The following CDH13 variants were observed in gnomAD, a reference collection of about 807,000 sequenced individuals.
CDH13 encodes cadherin 13, also known as cadherin-13.
In CDH13, 24 loss-of-function variants were observed where a neutral mutation model predicts 63.8. The ratio of observed to expected loss-of-function variants is 0.38; its 90% CI spans 0.27 to 0.53. The LOEUF is 0.53. Among genes scored for constraint, CDH13 ranks in the 20% least tolerant of loss-of-function variants. The pLI, the probability that CDH13 is intolerant of heterozygous loss-of-function variation, is 0.85. For synonymous variants in CDH13, 503 were observed against 355.3 expected (o/e 1.42, Z -4.67); for missense variants, 1,049 against 903.1 (o/e 1.16, Z -2.07).
At chr16:83,098,743 T>C (rs1358771333) in intron 3 of CDH13, among the ~76,000 whole-genome samples, 1 of 152,246 alleles carries the variant, frequency 6.6e-6, no homozygotes, top group Non-Finnish European at 1.5e-5. Flanking sequence ...CTTTTTCCTC[T>C]GTGTGCCATG....
chr16:83,539,265 A>G (rs1432961731), intron 7 of CDH13, among the ~76,000 whole-genome samples: 4 of 152,070 alleles, frequency 2.6e-5, no homozygotes, highest in Non-Finnish European at 4.4e-5. Flanking sequence ...GGAACATGCA[A>G]CCTAGATCCC....
chr16:83,442,244 A>C (rs755112121), intron 6 of CDH13, among the ~76,000 whole-genome samples: 1 of 152,194 alleles, frequency 6.6e-6, no homozygotes, highest in Non-Finnish European at 1.5e-5. Context: ...GTAAAATGAG[A>C]CAAGAAGGTA....
chr16:83,626,826 C>T (rs1910348101), intron 8 of CDH13, among the ~76,000 whole-genome samples: 1 of 152,124 alleles, frequency 6.6e-6, no homozygotes, highest in African/African-American at 2.4e-5. Flanking sequence ...ACACAGACTC[C>T]CTGTACCCGC....
chr16:82,657,667 A>G (rs1464860507), intron 1 of CDH13, among the ~76,000 whole-genome samples: 1 of 152,182 alleles, frequency 6.6e-6, no homozygotes, highest in Non-Finnish European at 1.5e-5. Context: ...TTTATATGTA[A>G]ATATTCCAAT....
At chr16:83,243,267 G>C (rs1229852357) in intron 5 of CDH13, among the ~76,000 whole-genome samples, 1 of 152,178 alleles carries the variant, frequency 6.6e-6, no homozygotes, top group African/African-American at 2.4e-5. Flanking sequence ...TAAAGAAAAT[G>C]AAGTTTAATG....
intron 7 of CDH13, among the ~76,000 whole-genome samples, chr16:83,597,240 A>G (rs1031901061): frequency 6.6e-6 from 1 of 151,826 alleles, no homozygotes; most frequent in African/African-American, 2.4e-5. Context: ...CACACACACA[A>G]AAAGTAGAAA....
At chr16:83,212,749 G>T (rs2039377008) in intron 4 of CDH13, among the ~76,000 whole-genome samples, 1 of 152,148 alleles carries the variant, frequency 6.6e-6, no homozygotes, top group African/African-American at 2.4e-5. Context: ...AATCACCTGG[G>T]GAGGGGGGAT....
intron 4 of CDH13, among the ~76,000 whole-genome samples, chr16:83,127,068 G>C (rs1442943857): frequency 6.6e-6 from 1 of 152,178 alleles, no homozygotes; most frequent in Non-Finnish European, 1.5e-5. Flanking sequence ...ACAGTTACAG[G>C]TATATCTGGT....
At chr16:82,990,097 A>C (rs1431462177) in intron 2 of CDH13, 1 of 151,688 alleles carries the variant, frequency 6.6e-6, no homozygotes, top group Non-Finnish European at 1.5e-5. Flanking sequence ...TTTCTCTGCA[A>C]CCTCTCCCTT....
At chr16:83,204,787 C>G (rs1032723474) in intron 4 of CDH13, among the ~76,000 whole-genome samples, 1 of 152,204 alleles carries the variant, frequency 6.6e-6, no homozygotes, top group Non-Finnish European at 1.5e-5. Flanking sequence ...GAACTGTGTT[C>G]CTCGTTGTCA....
At chr16:82,862,183 C>T (rs940228167) in intron 2 of CDH13, among the ~76,000 whole-genome samples, 7 of 152,164 alleles carry the variant, frequency 4.6e-5, no homozygotes, top group African/African-American at 1.4e-4. Context: ...ATTGTGTGAT[C>T]TGGGAGCTGA....
intron 3 of CDH13, among the ~76,000 whole-genome samples, chr16:83,060,060 C>G (rs148503128): frequency 6.6e-6 from 1 of 152,154 alleles, no homozygotes; most frequent in African/African-American, 2.4e-5. Context: ...TCCCAAATTG[C>G]TGGGATTACA....
chr16:83,058,168 A>T (rs890454056), intron 3 of CDH13, among the ~76,000 whole-genome samples: 15 of 152,158 alleles, frequency 9.9e-5, no homozygotes, highest in Non-Finnish European at 1.3e-4. Context: ...TACGTCTTTT[A>T]TCGGGCTTGG....
At chr16:83,497,293 A>C (rs529144700) in intron 7 of CDH13, among the ~76,000 whole-genome samples, 2,585 of 152,226 alleles carry the variant, frequency 0.017, 24 homozygotes, top group Non-Finnish European at 0.027. Flanking sequence ...TGGATTAAGA[A>C]AATGTGGCAC....
intron 9 of CDH13, among the ~76,000 whole-genome samples, chr16:83,676,230 C>T (rs146775131): frequency 3.7e-4 from 56 of 152,292 alleles, no homozygotes; most frequent in African/African-American, 1.3e-3. Flanking sequence ...CCAGAAACCC[C>T]ACTATCCTCC....
At chr16:83,671,856 A>G (rs1002756567) in intron 9 of CDH13, among the ~76,000 whole-genome samples, 1 of 152,224 alleles carries the variant, frequency 6.6e-6, no homozygotes, top group African/African-American at 2.4e-5. Context: ...ATCCAGAAAT[A>G]TTAGTGGGGG....
rs1025715002 is a variant in CDH13, at chr16:82,933,051, G to A, written c.157+74578G>A. ...TTTTTATGACATATCTTTGAGAAAGGGGTTTGCATGAATCTTTAGGAAGGC... is the reference window on the plus strand; with the variant it reads ...TTTTTATGACATATCTTTGAGAAAGAGGTTTGCATGAATCTTTAGGAAGGC... On this transcript the variant is annotated intron_variant, in intron 2 of 13. Transcript: ENST00000567109. Among the ~76,000 whole-genome samples, 4 of 152,008 alleles carry A rather than the reference G, an allele frequency of 2.6e-5. No homozygotes were observed. The East Asian group carries it at 5.8e-4, about 22-fold the overall frequency.
chr16:82,777,156 A>G (rs2035537510), intron 1 of CDH13, among the ~76,000 whole-genome samples: 1 of 152,158 alleles, frequency 6.6e-6, no homozygotes, highest in Admixed American at 6.5e-5. Flanking sequence ...TTTTGTAGCA[A>G]TAGCATTTCA....
intron 4 of CDH13, among the ~76,000 whole-genome samples, chr16:83,127,477 C>T (rs916237027): frequency 3.9e-5 from 6 of 152,160 alleles, no homozygotes; most frequent in African/African-American, 1.4e-4. Flanking sequence ...CGCCTGTAAT[C>T]CCAGCACTGT....
Sources: allele counts gnomAD v4.1 joint callset (sites outside exome capture counted in the v4.1 genomes callset), GRCh38; gene constraint gnomAD v4.1.1; transcripts MANE v1.5; gene names NCBI Gene and HGNC (gene_info 2026-07-23, HGNC 2026-07-21).